Variants in RERE observed in about 807,000 individuals in gnomAD.
RERE encodes the protein arginine-glutamic acid dipeptide repeats protein.
Under a neutral mutation model 146.1 loss-of-function variants are expected in RERE, and 40 were observed. The ratio of observed to expected loss-of-function variants is 0.27; its 90% CI spans 0.21 to 0.36. RERE has a LOEUF of 0.36. Among genes scored for constraint, RERE ranks in the 10% least tolerant of loss-of-function variants. RERE has a pLI of 1.00. For missense variants in RERE, 1,933 were observed against 2,138.7 expected (o/e 0.90, Z 1.90); for synonymous variants, 1,003 against 866.0 (o/e 1.16, Z -2.78).
intron 18 of RERE, 60 bp from the exon 19 acceptor site, chr1:8,360,046 C>G: frequency 1.3e-6 from 2 of 1,555,608 alleles, no homozygotes; most frequent in Non-Finnish European, 8.8e-7. Context: ...GGCCCTCCCT[C>G]CCACCAGAAC....
Position 8,575,846 on chromosome 1 carries a change from C to A in RERE, c.523-18323G>T, listed in dbSNP as rs182923673. Among the ~76,000 whole-genome samples the A allele has an allele frequency of 1.2e-4, 18 of 151,914 alleles. No homozygotes were observed. The East Asian group carries it at 2.3e-3, about 20-fold the overall frequency. On this transcript the variant is annotated intron_variant, in intron 4 of 22. Transcript: ENST00000400908. Reference sequence around the variant, plus strand: ...ACCTGAATCTAATAATGAAGAAATACGATACAAATGAAAACTGAGAAACAT... The same window carrying A: ...ACCTGAATCTAATAATGAAGAAATAAGATACAAATGAAAACTGAGAAACAT...
chr1:8,593,364 A>T (rs1054114086), intron 4 of RERE, among the ~76,000 whole-genome samples: 3 of 152,084 alleles, frequency 2.0e-5, no homozygotes, highest in Non-Finnish European at 1.5e-5. Context: ...TGACTGAATC[A>T]TGGGGGTGGG....
chr1:8,453,040 G>A (rs1195648927), intron 11 of RERE, among the ~76,000 whole-genome samples: 3 of 152,136 alleles, frequency 2.0e-5, no homozygotes, highest in South Asian at 2.1e-4. Flanking sequence ...ATAAATCTAC[G>A]TGGATCATTT....
At chr1:8,566,590 G>A (rs1646155763) in intron 4 of RERE, among the ~76,000 whole-genome samples, 1 of 151,886 alleles carries the variant, frequency 6.6e-6, no homozygotes, top group African/African-American at 2.4e-5. Context: ...CTGCACTCCA[G>A]CCTGGGCAAC....
intron 8 of RERE, among the ~76,000 whole-genome samples, chr1:8,504,046 T>C (rs1438345754): frequency 6.6e-6 from 1 of 152,226 alleles, no homozygotes. Flanking sequence ...TTGAATTGGA[T>C]GTATCAGCAT....
rs1641942426 is a variant in RERE, at chr1:8,817,559, C to T, written c.-544G>A. 1 of 143,122 alleles carries T rather than the reference C, an allele frequency of 7.0e-6. No homozygotes were observed. The highest frequency in any genetic ancestry group is 2.2e-4 in the South Asian group (1 of 4,460). The allele number at this position is 143,122 out of a possible 1,614,324, so 8.9% of individuals were successfully genotyped here. On this transcript the variant is annotated 5_prime_UTR_variant, in exon 1 of 23. Transcript: ENST00000400908. ...AAAGGACGGGGGAGGAGGCGGGGACCGAGGCCCAGCGGGGCGAGCGTCTCG... is the reference window on the plus strand; with the variant it reads ...AAAGGACGGGGGAGGAGGCGGGGACTGAGGCCCAGCGGGGCGAGCGTCTCG...
At chr1:8,380,896 C>T (rs1004150576) in intron 12 of RERE, 1 of 456,748 alleles carries the variant, frequency 2.2e-6, no homozygotes, top group Non-Finnish European at 4.4e-6. Context: ...GCTGCTGTAA[C>T]GTCTGCCAGG....
chr1:8,722,203 A>G (rs192249039), intron 1 of RERE, among the ~76,000 whole-genome samples: 3 of 152,364 alleles, frequency 2.0e-5, no homozygotes, highest in Non-Finnish European at 4.4e-5. Flanking sequence ...TGACAGAAAC[A>G]CAACTCAATC....
At chr1:8,609,355 G>A (rs1039834371) in intron 4 of RERE, among the ~76,000 whole-genome samples, 3 of 152,204 alleles carry the variant, frequency 2.0e-5, no homozygotes, top group Non-Finnish European at 4.4e-5. Flanking sequence ...TGGCATTATA[G>A]GTCAGCTGGG....
chr1:8,712,100 C>A (rs184698823), intron 1 of RERE, among the ~76,000 whole-genome samples: 10 of 152,288 alleles, frequency 6.6e-5, no homozygotes, highest in Middle Eastern at 3.4e-3. Context: ...CCAGAAGACT[C>A]CAGTTAAAAA....
At chr1:8,378,535 C>A (rs892310050) in intron 12 of RERE, among the ~76,000 whole-genome samples, 3 of 152,086 alleles carry the variant, frequency 2.0e-5, no homozygotes, top group African/African-American at 4.8e-5. Flanking sequence ...TAATCCAGTA[C>A]GACTGGTGTC....
At chr1:8,630,042 A>G (rs1482000199) in intron 2 of RERE, among the ~76,000 whole-genome samples, 1 of 152,136 alleles carries the variant, frequency 6.6e-6, no homozygotes, top group East Asian at 1.9e-4. Context: ...CTCCACCCTC[A>G]ATGCTTGGAG....
intron 1 of RERE, among the ~76,000 whole-genome samples, chr1:8,814,833 G>A (rs1419319940): frequency 6.6e-6 from 1 of 152,146 alleles, no homozygotes; most frequent in African/African-American, 2.4e-5. Context: ...ATTCAAAGGA[G>A]TCCTGGGAAG....
chr1:8,585,173 G>A (rs969068034), intron 4 of RERE, among the ~76,000 whole-genome samples: 3 of 149,360 alleles, frequency 2.0e-5, no homozygotes, highest in Non-Finnish European at 4.4e-5. Context: ...AAGTAATTAC[G>A]GGATAGTCTA....
chr1:8,629,879 T>A (rs529162526), intron 2 of RERE, among the ~76,000 whole-genome samples: 1 of 152,334 alleles, frequency 6.6e-6, no homozygotes, highest in South Asian at 2.1e-4. Flanking sequence ...TAATTTCCAA[T>A]AGAAAACCCC....
rs1641164572 is a variant in RERE, at chr1:8,353,272, C to T, written c.*1815G>A. Reference sequence around the variant, plus strand: ...TTTTCAACAGACAAAACAAGCCTATCCCAACTGAAACCAAACACGGTTTTT... The same window carrying T: ...TTTTCAACAGACAAAACAAGCCTATTCCAACTGAAACCAAACACGGTTTTT... On this transcript the variant is annotated 3_prime_UTR_variant, in exon 23 of 23. Transcript: ENST00000400908. 1 of 152,394 alleles carries T rather than the reference C, an allele frequency of 6.6e-6. No homozygotes were observed. Among genetic ancestry groups the T allele is most frequent in the South Asian group, 2.1e-4 (1 of 4,828 alleles). 9.4% of individuals were successfully genotyped at this position (152,394 alleles called of 1,614,324 possible).
At chr1:8,726,147 C>CTTTTCTTTTTTTTTTTTTTTTTTTTT (rs1639960710) in intron 1 of RERE, among the ~76,000 whole-genome samples, 5 of 69,406 alleles carry the variant, frequency 7.2e-5, no homozygotes, top group African/African-American at 2.6e-4. Flanking sequence ...TTTTTCTTTT[C>CTTTTCTTTTTTTTTTTTTTTTTTTTT]TTTTTTTTTT....
At chr1:8,757,431 C>T (rs912638460) in intron 1 of RERE, among the ~76,000 whole-genome samples, 1 of 152,180 alleles carries the variant, frequency 6.6e-6, no homozygotes, top group East Asian at 1.9e-4. Flanking sequence ...ATCAAATTCT[C>T]TACTGCATCA....
intron 10 of RERE, among the ~76,000 whole-genome samples, chr1:8,477,425 A>G (rs1481085213): frequency 6.6e-6 from 1 of 152,206 alleles, no homozygotes; most frequent in Non-Finnish European, 1.5e-5. Context: ...GTCTGGCCAC[A>G]AGTGGAAATG....
Sources: allele counts gnomAD v4.1 joint callset (sites outside exome capture counted in the v4.1 genomes callset), GRCh38; gene constraint gnomAD v4.1.1; transcripts MANE v1.5; gene names NCBI Gene and HGNC (gene_info 2026-07-23, HGNC 2026-07-21).